Variants in TCF20 observed in about 807,000 individuals in gnomAD.
The protein encoded by TCF20 is SPRE-binding protein.
TCF20 carries 3 observed loss-of-function variants against 148.6 expected under a neutral mutation model. That is an observed-to-expected ratio of 0.02 (90% confidence interval 0.01 to 0.05). The LOEUF (loss-of-function observed/expected upper bound fraction) is 0.05, where lower values mean the gene tolerates loss of function less well. Among genes scored for constraint, TCF20 ranks in the 10% least tolerant of loss-of-function variants. The pLI, the probability that TCF20 is intolerant of heterozygous loss-of-function variation, is 1.00. For synonymous variants in TCF20, 1,049 were observed against 909.5 expected (o/e 1.15, Z -2.76); for missense variants, 2,350 against 2,429.3 (o/e 0.97, Z 0.69).
intron 1 of TCF20, among the ~76,000 whole-genome samples, chr22:42,255,611 C>T (rs962007015): frequency 8.5e-5 from 13 of 152,066 alleles, no homozygotes; most frequent in Non-Finnish European, 1.6e-4. Flanking sequence ...TGGGTTGATG[C>T]CAAAATTTCC....
In TCF20 at chr22:42,210,899, T is replaced by C. The variant is rs140619869; in HGVS notation, c.4407A>G (p.Ser1469=). 5,980 of 1,613,994 alleles carry C rather than the reference T, an allele frequency of 3.7e-3. 31 individuals are homozygous for C. Among genetic ancestry groups the C allele is most frequent in the Middle Eastern group, 0.013 (76 of 6,062 alleles). ...EPPGAMTSTT[S]QKPGSNQGRP... The stretch of plus-strand genomic sequence containing the variant: ...TCCCTTGGTTACTACCAGGCTTCTG[T>C]GAGGTTGTGGATGTCATGGCACCAG... Residue 1469 remains serine (S), a synonymous_variant, in exon 2 of 6, where the codon TCA becomes TCG. Coordinates refer to ENST00000677622, the MANE Select transcript of TCF20 (RefSeq NM_001378418.1). The surrounding 1 kb of genome is among the most constrained non-coding windows in gnomAD (Gnocchi z 4.7).
At chr22:42,301,110 G>A (rs990695390) in intron 1 of TCF20, among the ~76,000 whole-genome samples, 1 of 151,978 alleles carries the variant, frequency 6.6e-6, no homozygotes, top group Non-Finnish European at 1.5e-5. Context: ...GGTGTAAATG[G>A]CTGCTGGAAG....
chr22:42,333,620 A>G (rs1279717384), intron 1 of TCF20, among the ~76,000 whole-genome samples: 1 of 152,218 alleles, frequency 6.6e-6, no homozygotes, highest in African/African-American at 2.4e-5. Context: ...CCCTCATATC[A>G]GGCCCCTGTG....
rs1227476459 is a variant in TCF20, at chr22:42,213,017, G to A, written c.2289C>T (p.His763=). 2 of 1,614,122 alleles carry A rather than the reference G, an allele frequency of 1.2e-6. No individual in the cohort carries two copies. The highest frequency in any genetic ancestry group is 1.7e-6 in the Non-Finnish European group (2 of 1,179,996). The change falls in exon 2 of 6, where the codon CAC becomes CAT. Residue 763 remains histidine, a synonymous_variant. Coordinates refer to ENST00000677622, the MANE Select transcript of TCF20 (RefSeq NM_001378418.1). ...LQEVLQGYHH[H]PDRRYSRSTQ... Reference sequence around the variant, plus strand: ...TACTCCTAGAATATCTCCTGTCAGGGTGGTGGTGGTAACCCTGAAGCACTT... The same window carrying A: ...TACTCCTAGAATATCTCCTGTCAGGATGGTGGTGGTAACCCTGAAGCACTT...
intron 1 of TCF20, among the ~76,000 whole-genome samples, chr22:42,298,033 C>T (rs756394590): frequency 3.0e-4 from 45 of 152,352 alleles, no homozygotes; most frequent in Admixed American, 5.9e-4. Flanking sequence ...AGACTCAAAG[C>T]AAACCCATGG....
At chr22:42,272,136 G>T (rs1398812021), upstream of TCF20, among the ~76,000 whole-genome samples, 3 of 152,222 alleles carry the variant, frequency 2.0e-5, no homozygotes, top group Admixed American at 2.0e-4. Flanking sequence ...CTGCATGCCA[G>T]GCTCTTCCGG....
At chr22:42,204,795 A>C (rs1938278168) in intron 2 of TCF20, among the ~76,000 whole-genome samples, 1 of 152,224 alleles carries the variant, frequency 6.6e-6, no homozygotes, top group African/African-American at 2.4e-5. Context: ...CAGTGAGCCA[A>C]GATTGTGCCA....
intron 3 of TCF20, 102 bp downstream of exon 3, chr22:42,179,507 A>AG (rs1253053970): frequency 3.1e-4 from 239 of 762,388 alleles, no homozygotes; most frequent in African/African-American, 2.5e-3. Flanking sequence ...AAAAAAAAAA[A>AG]AAAAGAAAAG....
At chr22:42,239,469 T>A (rs1378680757) in intron 1 of TCF20, among the ~76,000 whole-genome samples, 1 of 111,752 alleles carries the variant, frequency 8.9e-6, no homozygotes, top group African/African-American at 3.7e-5. Flanking sequence ...AGAGTGAAAA[T>A]CTCTCTCAGA....
intron 1 of TCF20, among the ~76,000 whole-genome samples, chr22:42,309,407 C>T (rs1173295731): frequency 6.6e-6 from 1 of 152,084 alleles, no homozygotes; most frequent in East Asian, 1.9e-4. Flanking sequence ...ACCCAGACCC[C>T]GCCAGGCCCC....
intron 1 of TCF20, among the ~76,000 whole-genome samples, chr22:42,242,202 C>T (rs1429043993): frequency 1.7e-5 from 1 of 59,802 alleles, no homozygotes; most frequent in East Asian, 3.5e-4. Context: ...GACTTCGCCT[C>T]AAAAAAAAAA....
intron 1 of TCF20, among the ~76,000 whole-genome samples, chr22:42,230,194 C>T (rs542757045): frequency 6.5e-4 from 99 of 152,310 alleles, no homozygotes; most frequent in African/African-American, 2.3e-3. Context: ...TAGTCACGTG[C>T]TACATAACAC....
At chr22:42,162,723 C>G (rs1473018984) in intron 5 of TCF20, among the ~76,000 whole-genome samples, 1 of 152,212 alleles carries the variant, frequency 6.6e-6, no homozygotes, top group African/African-American at 2.4e-5. Flanking sequence ...CCTCCCCTGA[C>G]AAACCCCAAG....
At chr22:42,174,972 T>C (rs1382176383) in intron 3 of TCF20, among the ~76,000 whole-genome samples, 1 of 151,354 alleles carries the variant, frequency 6.6e-6, no homozygotes, top group South Asian at 2.1e-4. Flanking sequence ...GAGGCGGAGC[T>C]TGCAGTGAGC....
chr22:42,205,832 C>T (rs565388868), intron 2 of TCF20, among the ~76,000 whole-genome samples: 10 of 152,276 alleles, frequency 6.6e-5, no homozygotes, highest in Non-Finnish European at 1.2e-4. Flanking sequence ...AGTGCAGTGG[C>T]ACCATCTTGG....
chr22:42,186,827 GA>G (rs963525129), intron 2 of TCF20, among the ~76,000 whole-genome samples: 3 of 152,168 alleles, frequency 2.0e-5, no homozygotes, highest in Non-Finnish European at 4.4e-5. Context: ...TGCATTACAA[GA>G]AAAGATGTTA....
chr22:42,175,810 A>G (rs1936411739), intron 3 of TCF20, among the ~76,000 whole-genome samples: 1 of 151,494 alleles, frequency 6.6e-6, no homozygotes, highest in South Asian at 2.1e-4. Context: ...TTTCAAGGCT[A>G]CTTCATTTTT....
At chr22:42,207,869 A>C (rs1938496167) in intron 2 of TCF20, among the ~76,000 whole-genome samples, 1 of 151,990 alleles carries the variant, frequency 6.6e-6, no homozygotes, top group Non-Finnish European at 1.5e-5. Context: ...GAAAGAGAAA[A>C]TAGGAAACAG....
At chr22:42,258,556 G>C (rs1406505177) in intron 1 of TCF20, among the ~76,000 whole-genome samples, 1 of 152,092 alleles carries the variant, frequency 6.6e-6, no homozygotes, top group Non-Finnish European at 1.5e-5. Flanking sequence ...CATACACTTA[G>C]GATTTTCACT....
Sources: gnomAD v4.1 joint callset for allele counts (sites outside exome capture counted in the v4.1 genomes callset) on GRCh38, gnomAD v4.1.1 for gene constraint, Gnocchi (gnomAD v3.1) non-coding constraint, MANE v1.5 for transcripts, NCBI Gene and HGNC (gene_info 2026-07-23, HGNC 2026-07-21) for gene names.